The following CYP4F11 variants were observed in gnomAD, a reference collection of about 807,000 sequenced individuals.
The protein encoded by CYP4F11 is cytochrome P450 4F11.
In CYP4F11, 79 loss-of-function variants were observed where a neutral mutation model predicts 62.2. The ratio of observed to expected loss-of-function variants is 1.27; its 90% CI spans 1.06 to 1.53. The LOEUF is 1.53. CYP4F11 is among the 40% of genes most tolerant of loss of function. The pLI is 0.00. For synonymous variants in CYP4F11, 290 were observed against 263.7 expected, an observed-to-expected ratio of 1.10 and a Z score of -0.97; for missense variants, 777 against 680.5, an observed-to-expected ratio of 1.14 and a Z score of -1.58.
intron 8 of CYP4F11, among the ~76,000 whole-genome samples, chr19:15,918,997 A>C (rs1423912862): frequency 1.3e-5 from 2 of 151,520 alleles, no homozygotes; most frequent in East Asian, 3.9e-4. Flanking sequence ...CAAAATGCAT[A>C]CATGTAAATA....
chr19:15,913,650 G>T lies in CYP4F11; in HGVS notation c.*82C>A. 3 of 1,550,900 alleles carry T rather than the reference G, an allele frequency of 1.9e-6. No individual in the cohort carries two copies. Among genetic ancestry groups the T allele is most frequent in the Non-Finnish European group, 2.7e-6 (3 of 1,131,442 alleles). ...CACCAGTCCCCAGGAGCCCCATGCT[G>T]GCTGTCAACGAGGCTCAAGCAGAGG... On this transcript the variant is annotated 3_prime_UTR_variant, in exon 12 of 12. Coordinates refer to ENST00000402119, the MANE Select transcript of CYP4F11 (RefSeq NM_021187.4).
chr19:15,917,999 C>A (rs1265683819), intron 8 of CYP4F11, among the ~76,000 whole-genome samples: 1 of 152,074 alleles, frequency 6.6e-6, no homozygotes, highest in Non-Finnish European at 1.5e-5. Context: ...ATGTTCATTG[C>A]AGCACTATTC....
At chr19:15,922,259 GGGA>G in intron 7 of CYP4F11, 93 bp from the exon 8 acceptor site, 1 of 1,599,862 alleles carries the variant, frequency 6.3e-7, no homozygotes, top group Non-Finnish European at 8.5e-7. Flanking sequence ...GGAGAATGTA[GGGA>G]GGAGGAGGAT....
At position 15,917,123 on chromosome 19, in the gene CYP4F11, C is replaced by A. The variant is rs1331047929; in HGVS notation, c.1116-2228G>T. On this transcript the variant is annotated intron_variant, in intron 8 of 11. Transcript: ENST00000402119. ...AGGAATGAAATAATGTCTTTTGCAA[C>A]AACTTGGATGGAGCTGGGACCATTA... 4.6e-5 allele frequency among the ~76,000 whole-genome samples: 7 copies of A among 152,208 alleles called. No homozygotes were observed. In the South Asian group the frequency reaches 8.3e-4, roughly 18 times the overall value.
chr19:15,921,294 A>G (rs571146921), intron 8 of CYP4F11, among the ~76,000 whole-genome samples: 4 of 152,322 alleles, frequency 2.6e-5, no homozygotes, highest in Admixed American at 1.3e-4. Flanking sequence ...CTCATCTTGA[A>G]GTACTGGCCT....
chr19:15,924,764 T>C lies in CYP4F11; in HGVS notation c.644A>G (p.Gln215Arg), dbSNP rs749288757. The stretch of plus-strand genomic sequence containing the variant: ...CAGGTCCTAGGAAAGGACTCACTCC[T>C]GACAATTGCTTTCAAAGCTGAAGAC... Reference protein sequence around the residue: ...KCVFSFESNCQEKPSEYIAAI... With the variant: ...KCVFSFESNCREKPSEYIAAI... Residue 215 changes from glutamine to arginine, a missense_variant, in exon 5 of 12, where the codon CAG becomes CGG. Coordinates refer to ENST00000402119, the MANE Select transcript of CYP4F11 (RefSeq NM_021187.4). 5.0e-6 allele frequency: 8 copies of C among 1,610,076 alleles called. No individual in the cohort carries two copies. The highest frequency in any genetic ancestry group is 6.8e-6 in the Non-Finnish European group (8 of 1,177,524).
At chr19:15,919,513 T>TAGAC (rs1389231147) in intron 8 of CYP4F11, among the ~76,000 whole-genome samples, 33 of 149,472 alleles carry the variant, frequency 2.2e-4, no homozygotes, top group Non-Finnish European at 1.3e-4. Context: ...GATAGATAGA[T>TAGAC]AGATAGATAG....
intron 8 of CYP4F11, among the ~76,000 whole-genome samples, chr19:15,916,972 C>T (rs1033140041): frequency 3.3e-5 from 5 of 152,120 alleles, no homozygotes; most frequent in East Asian, 1.9e-4. Flanking sequence ...CACATGCACA[C>T]GCATGCTTAT....
Position 15,913,904 on chromosome 19 carries a change from C to T in CYP4F11, c.1403G>A (p.Cys468Tyr). The T allele has an allele frequency of 2.5e-6, 4 of 1,611,272 alleles. No homozygotes were observed. The highest frequency in any genetic ancestry group is 3.4e-6 in the Non-Finnish European group (4 of 1,178,666). ...FIPFSAGPRN[C>Y]IGQAFAMAEM... ...AGCCATGGCGAACGCCTGCCCGATG[C>T]AGTTTCTGGGGGCAAAAGTGAGGGA... The change falls in exon 12 of 12, where the codon TGC becomes TAC. Residue 468 changes from cysteine (C) to tyrosine (Y), a missense_variant. Physicochemically the swap from Cys to Tyr is radical, Grantham distance 194. Coordinates refer to ENST00000402119, the MANE Select transcript of CYP4F11 (RefSeq NM_021187.4).
Position 15,923,950 on chromosome 19 carries a change from G to T in CYP4F11, c.780C>A (p.Cys260Ter), listed in dbSNP as rs747187053. Residue 260 changes from cysteine (C) to a stop codon, truncating the protein, a stop_gained, in exon 6 of 12, where the codon TGC becomes TGA. Coordinates refer to ENST00000402119, the MANE Select transcript of CYP4F11 (RefSeq NM_021187.4). LOFTEE classifies it high-confidence loss of function. The part of the protein sequence containing the change: ...TPDGQRFRRA[C>*]HLVHDFTDAV... ...CATCTGTGAAGTCGTGCACCAGGTG[G>T]CAGGCCCTGCGGAAGCGCTGCCCAT... 2 of 1,614,172 alleles carry T rather than the reference G, an allele frequency of 1.2e-6. No individual in the cohort carries two copies. The highest frequency in any genetic ancestry group is 4.5e-5 in the East Asian group (2 of 44,876).
intron 4 of CYP4F11, among the ~76,000 whole-genome samples, chr19:15,926,059 G>A (rs1052896257): frequency 6.6e-6 from 1 of 151,688 alleles, no homozygotes; most frequent in Non-Finnish European, 1.5e-5. Flanking sequence ...AGCTACTCAG[G>A]AGGCTGATGC....
chr19:15,912,747 GTGTGTGTGT>G lies in CYP4F11; in HGVS notation c.*976_*984del. 9.6e-5 allele frequency: 1 copy of G among 10,436 alleles called. No individual in the cohort carries two copies. The highest frequency in any genetic ancestry group is 2.3e-4 in the Non-Finnish European group (1 of 4,258). The allele number at this position is 10,436 out of a possible 1,614,324, so 0.6% of individuals were successfully genotyped here. ...TGTGTGTGTGTGTATATGTATATATGTGTGTGTGTGTGTGTGTGTGTGTGTATATATATA... is the reference window on the plus strand; with the variant it reads ...TGTGTGTGTGTGTATATGTATATATGGTGTGTGTGTGTGTGTATATATATA... On this transcript the variant is annotated 3_prime_UTR_variant, in exon 12 of 12. Coordinates refer to ENST00000402119, the MANE Select transcript of CYP4F11 (RefSeq NM_021187.4).
At position 15,913,437 on chromosome 19, in the gene CYP4F11, T is replaced by A; in HGVS notation, c.*295A>T. ...TCTTGCTCCTTAAACCCATTCTTAA[T>A]CCTGTTCCCTCTCCTGCTCAAACAC... On this transcript the variant is annotated 3_prime_UTR_variant, in exon 12 of 12. Coordinates refer to ENST00000402119, the MANE Select transcript of CYP4F11 (RefSeq NM_021187.4). The A allele has an allele frequency of 2.3e-6, 1 of 427,774 alleles. No homozygotes were observed. The highest frequency in any genetic ancestry group is 4.4e-6 in the Non-Finnish European group (1 of 228,412). 26.5% of individuals were successfully genotyped at this position (427,774 alleles called of 1,614,324 possible). A position where few individuals can be genotyped will look rare whatever the true frequency, so the allele number is the denominator to read the frequency against.
chr19:15,923,185 C>CATGTCG (rs922117773), intron 6 of CYP4F11, among the ~76,000 whole-genome samples: 7 of 150,442 alleles, frequency 4.7e-5, no homozygotes, highest in African/African-American at 1.2e-4. Context: ...AACCTACAGG[C>CATGTCG]ATGTCGATCT....
At chr19:15,927,561 C>T in intron 2 of CYP4F11, 78 bp from the exon 3 acceptor site, 7 of 1,587,538 alleles carry the variant, frequency 4.4e-6, no homozygotes, top group East Asian at 2.2e-5. Flanking sequence ...TGCTCCCAGC[C>T]AGGGGTGTGC....
At chr19:15,933,991 A>C (rs2089753134) in intron 1 of CYP4F11, among the ~76,000 whole-genome samples, 3 of 112,660 alleles carry the variant, frequency 2.7e-5, no homozygotes, top group Non-Finnish European at 3.9e-5. Context: ...CGGGGAGAGG[A>C]ATGAGTGAGT....
Position 15,934,455 on chromosome 19 carries a change from A to G in CYP4F11, c.-47T>C. 1.2e-6 allele frequency: 2 copies of G among 1,601,028 alleles called. No individual in the cohort carries two copies. The highest frequency in any genetic ancestry group is 1.7e-6 in the Non-Finnish European group (2 of 1,175,158). On this transcript the variant is annotated 5_prime_UTR_variant, in exon 1 of 12. Transcript: ENST00000402119. ...AGGGTGGGATCCTGAGGCCCAGGGAAGGGCCCAGGAAGCTCCAAGGACAGT... is the reference window on the plus strand; with the variant it reads ...AGGGTGGGATCCTGAGGCCCAGGGAGGGGCCCAGGAAGCTCCAAGGACAGT...
chr19:15,914,228 G>T, intron 11 of CYP4F11, 77 bp downstream of exon 11: 1 of 1,499,352 alleles, frequency 6.7e-7, no homozygotes, highest in South Asian at 1.2e-5. Context: ...CTGGAACTGG[G>T]ACCATCTGTA....
intron 5 of CYP4F11, 143 bp downstream of exon 5, chr19:15,924,618 C>G: frequency 1.2e-6 from 1 of 869,266 alleles, no homozygotes; most frequent in Non-Finnish European, 1.8e-6. Context: ...TCTCTTTCCC[C>G]CTCCCCATCC....
Sources: allele counts gnomAD v4.1 joint callset (sites outside exome capture counted in the v4.1 genomes callset), GRCh38; gene constraint gnomAD v4.1.1; transcripts MANE v1.5; gene names NCBI Gene and HGNC (gene_info 2026-07-23, HGNC 2026-07-21).